VPS13B: variants seen among roughly 807,000 people sequenced by gnomAD.
VPS13B encodes vacuolar protein sorting 13 homolog B.
VPS13B carries 285 observed loss-of-function variants against 426.4 expected under a neutral mutation model. The observed-to-expected ratio is 0.67, with a 90% CI of 0.61 to 0.74. The LOEUF (loss-of-function observed/expected upper bound fraction) is 0.74, where lower values mean the gene tolerates loss of function less well. Ranked by LOEUF, VPS13B falls within the 30% of genes least tolerant of loss-of-function variation. The pLI, the probability that VPS13B is intolerant of heterozygous loss-of-function variation, is 0.00. For missense variants in VPS13B, 4,537 were observed against 4,782.6 expected (o/e 0.95, Z 1.51); for synonymous variants, 1,676 against 1,676.4 (o/e 1.00, Z 0.01).
intron 19 of VPS13B, among the ~76,000 whole-genome samples, chr8:99,353,607 A>G (rs1207460343): frequency 6.6e-6 from 1 of 151,962 alleles, no homozygotes; most frequent in African/African-American, 2.4e-5. Flanking sequence ...TCTTTCAAAA[A>G]AAAAAAAAAA....
chr8:99,149,941 C>T (rs1041539307), intron 14 of VPS13B, among the ~76,000 whole-genome samples: 2 of 152,150 alleles, frequency 1.3e-5, no homozygotes, highest in African/African-American at 4.8e-5. Flanking sequence ...ACCCCTTCTC[C>T]TGTCTGTGGA....
chr8:99,313,764 A>G (rs563654263), intron 19 of VPS13B, among the ~76,000 whole-genome samples: 2 of 152,160 alleles, frequency 1.3e-5, no homozygotes, highest in Non-Finnish European at 2.9e-5. Flanking sequence ...CTGTCCCCAG[A>G]GGTGGAGTCT....
At chr8:99,360,033 C>T (rs1812412733) in intron 19 of VPS13B, among the ~76,000 whole-genome samples, 1 of 151,384 alleles carries the variant, frequency 6.6e-6, no homozygotes, top group Non-Finnish European at 1.5e-5. Flanking sequence ...AAACTCCCAA[C>T]CTCAAGTGAT....
intron 33 of VPS13B, among the ~76,000 whole-genome samples, chr8:99,578,342 A>G (rs997673156): frequency 9.2e-5 from 14 of 152,264 alleles, no homozygotes; most frequent in Middle Eastern, 3.4e-3. Flanking sequence ...GTTGTAAAGA[A>G]AGCTTTAAGT....
chr8:99,196,515 T>C (rs1297515390), intron 17 of VPS13B, among the ~76,000 whole-genome samples: 1 of 148,852 alleles, frequency 6.7e-6, no homozygotes, highest in Non-Finnish European at 1.5e-5. Context: ...TCACCCAAGC[T>C]GGAGTGCAGT....
intron 19 of VPS13B, among the ~76,000 whole-genome samples, chr8:99,373,612 G>A (rs1392169146): frequency 6.6e-6 from 1 of 152,214 alleles, no homozygotes; most frequent in African/African-American, 2.4e-5. Flanking sequence ...CACTTTGGGA[G>A]GCTGAGGTTC....
At position 99,193,076 on chromosome 8, in the gene VPS13B, T is replaced by C; in HGVS notation, c.2515+19T>C. The C allele has an allele frequency of 1.2e-6, 2 of 1,612,614 alleles. No homozygotes were observed. On this transcript the variant is annotated intron_variant, in intron 17 of 61. Coordinates refer to ENST00000357162, the MANE Select transcript of VPS13B (RefSeq NM_152564.5). Reference sequence around the variant, plus strand: ...AGTATAGGTAAGAGCACAGTCTTTTTGATAACTATATGGAAAATTTGTGTT... The same window carrying C: ...AGTATAGGTAAGAGCACAGTCTTTTCGATAACTATATGGAAAATTTGTGTT...
At chr8:99,645,304 T>G (rs1006590119) in intron 34 of VPS13B, among the ~76,000 whole-genome samples, 7 of 152,214 alleles carry the variant, frequency 4.6e-5, no homozygotes, top group African/African-American at 7.2e-5. Context: ...TGAAAAGAGA[T>G]AATTCATGAA....
At chr8:99,663,454 T>G (rs1403938374) in intron 35 of VPS13B, among the ~76,000 whole-genome samples, 1 of 151,966 alleles carries the variant, frequency 6.6e-6, no homozygotes, top group African/African-American at 2.4e-5. Flanking sequence ...GCCTTTGGAG[T>G]GAGGTAATAG....
At chr8:99,425,532 C>T (rs1239607780) in intron 21 of VPS13B, among the ~76,000 whole-genome samples, 1 of 152,138 alleles carries the variant, frequency 6.6e-6, no homozygotes, top group Non-Finnish European at 1.5e-5. Flanking sequence ...ATACTAAAAA[C>T]TCTCAATAAA....
At chr8:99,433,044 A>C (rs1267105763) in intron 22 of VPS13B, among the ~76,000 whole-genome samples, 2 of 152,222 alleles carry the variant, frequency 1.3e-5, no homozygotes, top group African/African-American at 4.8e-5. Flanking sequence ...CTTCATGAAC[A>C]TACGTGTCAA....
At chr8:99,241,258 T>A (rs747383805) in intron 17 of VPS13B, 10 of 152,172 alleles carry the variant, frequency 6.6e-5, no homozygotes, top group South Asian at 2.1e-4. Flanking sequence ...ACTCATAAGA[T>A]GATTAGGAAA....
intron 35 of VPS13B, among the ~76,000 whole-genome samples, chr8:99,682,971 T>G (rs556248198): frequency 3.3e-5 from 5 of 152,362 alleles, no homozygotes; most frequent in African/African-American, 1.2e-4. Flanking sequence ...GATTTTCTCC[T>G]ATGTTTTCTT....
chr8:99,286,649 G>C (rs1051618262), intron 19 of VPS13B, among the ~76,000 whole-genome samples: 1 of 152,146 alleles, frequency 6.6e-6, no homozygotes, highest in Non-Finnish European at 1.5e-5. Flanking sequence ...GAAAGGTGCA[G>C]AGTAACATAG....
chr8:99,740,161 A>G (rs1809625871), intron 39 of VPS13B, among the ~76,000 whole-genome samples: 1 of 152,220 alleles, frequency 6.6e-6, no homozygotes, highest in African/African-American at 2.4e-5. Flanking sequence ...ACAGCACAAG[A>G]ACTACATGAG....
intron 23 of VPS13B, among the ~76,000 whole-genome samples, chr8:99,448,320 G>A (rs1470756971): frequency 6.6e-6 from 1 of 151,826 alleles, no homozygotes; most frequent in Admixed American, 6.6e-5. Flanking sequence ...ACATGAAGTA[G>A]AAACAACTTT....
intron 39 of VPS13B, among the ~76,000 whole-genome samples, chr8:99,744,417 C>T (rs1278495261): frequency 6.6e-6 from 1 of 152,150 alleles, no homozygotes; most frequent in Non-Finnish European, 1.5e-5. Context: ...TGTGGCGATT[C>T]CTCAGGGATC....
rs1289529955 is a variant in VPS13B at position 99,745,256 on chromosome 8, A to G, written c.7051-21518A>G. On this transcript the variant is annotated intron_variant, in intron 39 of 61. Transcript: ENST00000357162. ...TTTTTTTGGAAGTTTCTTGTTCTAT[A>G]TGTGTCCTATTTTATTCTTCAAACT... 2.6e-5 allele frequency among the ~76,000 whole-genome samples: 4 copies of G among 152,056 alleles called. No homozygotes were observed. The South Asian group carries it at 8.3e-4, about 32-fold the overall frequency.
intron 15 of VPS13B, 143 bp from the exon 16 acceptor site, chr8:99,169,893 ATGT>A: frequency 1.1e-6 from 1 of 934,914 alleles, no homozygotes; most frequent in Non-Finnish European, 1.7e-6. Context: ...ATAGAAGAAA[ATGT>A]TGATCGTTTG....
Sources: gnomAD v4.1 joint callset for allele counts (sites outside exome capture counted in the v4.1 genomes callset) on GRCh38, gnomAD v4.1.1 for gene constraint, MANE v1.5 for transcripts, NCBI Gene and HGNC (gene_info 2026-07-23, HGNC 2026-07-21) for gene names.